BCAR3: variants seen among roughly 807,000 people sequenced by gnomAD.
BCAR3 encodes the protein BCAR3 adaptor protein, NSP family member, also known as breast cancer anti-estrogen resistance protein 3.
Under a neutral mutation model 80.1 loss-of-function variants are expected in BCAR3, and 37 were observed. The observed-to-expected ratio is 0.46, with a 90% confidence interval of 0.36 to 0.61. The LOEUF (loss-of-function observed/expected upper bound fraction) is 0.61, where lower values mean the gene tolerates loss of function less well. Among genes scored for constraint, BCAR3 ranks in the 20% least tolerant of loss-of-function variants. The pLI, the probability that BCAR3 is intolerant of heterozygous loss-of-function variation, is 0.00. For synonymous variants in BCAR3, 389 were observed against 418.9 expected, an observed-to-expected ratio of 0.93 and a Z score of 0.87; for missense variants, 978 against 1,068.2, an observed-to-expected ratio of 0.92 and a Z score of 1.18.
chr1:93,568,013 C>T, intron 9 of BCAR3, 162 bp from the exon 10 acceptor site: 2 of 534,678 alleles, frequency 3.7e-6, no homozygotes, highest in Non-Finnish European at 6.8e-6. Context: ...ATGGTGAAAC[C>T]CTGTCTCTAC....
intron 3 of BCAR3, among the ~76,000 whole-genome samples, chr1:93,696,036 TTC>T (rs1372140569): frequency 1.3e-5 from 2 of 150,066 alleles, no homozygotes; most frequent in Admixed American, 6.6e-5. Context: ...CTGCTACTGC[TTC>T]TCTCTTTTTT....
rs542416469 is a variant in BCAR3 at position 93,615,778 on chromosome 1, T to A, written c.358-23385A>T. Among the ~76,000 whole-genome samples the A allele has an allele frequency of 3.3e-5, 5 of 152,252 alleles. No homozygotes were observed. In the East Asian group the frequency reaches 9.7e-4, roughly 29 times the overall value. On this transcript the variant is annotated intron_variant, in intron 3 of 11. Transcript: ENST00000260502. ...GCCCCAGCAGTTCTGTGAGCATGAC[T>A]CATCAATCAGGCCATTAGCCACCAC...
intron 2 of BCAR3, among the ~76,000 whole-genome samples, chr1:93,784,438 G>A (rs1451817242): frequency 6.6e-6 from 1 of 152,182 alleles, no homozygotes; most frequent in Non-Finnish European, 1.5e-5. Flanking sequence ...GTTAAGAGGA[G>A]TAAAACCACA....
intron 2 of BCAR3, among the ~76,000 whole-genome samples, chr1:93,710,590 C>T (rs1449446677): frequency 6.6e-6 from 1 of 152,132 alleles, no homozygotes; most frequent in Non-Finnish European, 1.5e-5. Flanking sequence ...CTCGACCCCA[C>T]CAACCTTTCG....
chr1:93,676,852 C>T (rs1057230526), intron 1 of BCAR3, among the ~76,000 whole-genome samples: 4 of 152,304 alleles, frequency 2.6e-5, no homozygotes, highest in African/African-American at 9.6e-5. Context: ...AAATCTATTT[C>T]CAATAGCATG....
chr1:93,839,199 G>A (rs1159042053), intron 2 of BCAR3, among the ~76,000 whole-genome samples: 1 of 152,128 alleles, frequency 6.6e-6, no homozygotes, highest in Non-Finnish European at 1.5e-5. Flanking sequence ...AGGCTGAGGT[G>A]GGAGAATCGC....
intron 1 of BCAR3, chr1:93,846,744 C>T (rs1655207930): frequency 2.5e-6 from 1 of 396,996 alleles, no homozygotes. Context: ...TCGCGGGCCC[C>T]GGGCGCGCGG....
chr1:93,837,184 T>C (rs1654801835), intron 2 of BCAR3, among the ~76,000 whole-genome samples: 1 of 152,024 alleles, frequency 6.6e-6, no homozygotes, highest in South Asian at 2.1e-4. Flanking sequence ...GCCATTGCAC[T>C]CCAGCCTGAG....
At chr1:93,825,888 C>A (rs1035907949) in intron 2 of BCAR3, among the ~76,000 whole-genome samples, 1 of 152,192 alleles carries the variant, frequency 6.6e-6, no homozygotes, top group Admixed American at 6.5e-5. Context: ...TGCCCACATG[C>A]CAGCTCTCAT....
chr1:93,593,824 C>T (rs995722135), intron 3 of BCAR3, among the ~76,000 whole-genome samples: 3 of 152,176 alleles, frequency 2.0e-5, no homozygotes, highest in Admixed American at 6.5e-5. Context: ...CCATAAGGAG[C>T]GCTAGCTGAA....
chr1:93,839,007 T>A lies in BCAR3; in HGVS notation c.-63+6560A>T, dbSNP rs529645525. On this transcript the variant is annotated intron_variant, in intron 2 of 13. Coordinates refer to the BCAR3 transcript ENST00000370244. Reference sequence around the variant, plus strand: ...TATAAATAAACAAAGCAATGGCAAATAAAAACTAAAAAGTGCCAGGCGTGG... The same window carrying A: ...TATAAATAAACAAAGCAATGGCAAAAAAAAACTAAAAAGTGCCAGGCGTGG... Among the ~76,000 whole-genome samples, 38 of 152,208 alleles carry A rather than the reference T, an allele frequency of 2.5e-4. 1 individual carries two copies. Among genetic ancestry groups the A allele is most frequent in the Admixed American group, 1.4e-3 (21 of 15,298 alleles).
chr1:93,596,258 A>C (rs1291384940), intron 3 of BCAR3, among the ~76,000 whole-genome samples: 1 of 152,228 alleles, frequency 6.6e-6, no homozygotes, highest in Non-Finnish European at 1.5e-5. Context: ...ATAGCCCAGA[A>C]TGATGCATGA....
intron 2 of BCAR3, among the ~76,000 whole-genome samples, chr1:93,716,914 T>C (rs1267413708): frequency 1.3e-5 from 2 of 151,872 alleles, no homozygotes. Flanking sequence ...GGTGCACGAG[T>C]GGTGAAGCTG....
intron 2 of BCAR3, among the ~76,000 whole-genome samples, chr1:93,804,772 T>G (rs6688926): frequency 0.14 from 21,545 of 152,266 alleles, 2,491 homozygotes; most frequent in African/African-American, 0.31. Context: ...GAGGAACCAC[T>G]GTGTAACAAT....
chr1:93,645,020 T>C (rs1339022017), intron 2 of BCAR3, among the ~76,000 whole-genome samples: 1 of 152,220 alleles, frequency 6.6e-6, no homozygotes, highest in Admixed American at 6.5e-5. Flanking sequence ...AACTGAACTG[T>C]TGTTTTCATA....
At chr1:93,664,278 C>A (rs1647795288) in intron 2 of BCAR3, among the ~76,000 whole-genome samples, 1 of 152,126 alleles carries the variant, frequency 6.6e-6, no homozygotes, top group African/African-American at 2.4e-5. Flanking sequence ...CACCACCACG[C>A]CCAGCTAATT....
chr1:93,790,504 T>C (rs377738048), intron 2 of BCAR3, among the ~76,000 whole-genome samples: 61 of 152,216 alleles, frequency 4.0e-4, no homozygotes, highest in Middle Eastern at 3.4e-3. Flanking sequence ...ATTATATGGG[T>C]TATTCTGTCC....
At chr1:93,766,082 C>T (rs752394240) in intron 2 of BCAR3, among the ~76,000 whole-genome samples, 1 of 152,190 alleles carries the variant, frequency 6.6e-6, no homozygotes, top group Non-Finnish European at 1.5e-5. Flanking sequence ...ACCATCATCT[C>T]CCCTTTCCCC....
chr1:93,801,123 G>A (rs1302875879), intron 2 of BCAR3, among the ~76,000 whole-genome samples: 1 of 152,068 alleles, frequency 6.6e-6, no homozygotes, highest in Non-Finnish European at 1.5e-5. Context: ...TTGTTTCTAT[G>A]CCCATTTCAG....
Sources: gnomAD v4.1 joint callset for allele counts (sites outside exome capture counted in the v4.1 genomes callset) on GRCh38, gnomAD v4.1.1 for gene constraint, MANE v1.5 for transcripts, NCBI Gene and HGNC (gene_info 2026-07-23, HGNC 2026-07-21) for gene names.